The following MYO7A variants were observed in gnomAD, a reference collection of about 807,000 sequenced individuals.
The protein encoded by MYO7A is myosin VIIA, also known as unconventional myosin-VIIa.
A neutral mutation model predicts 263.8 loss-of-function variants in MYO7A; 210 were observed. The observed-to-expected ratio is 0.80, with a 90% CI of 0.71 to 0.89. The LOEUF (loss-of-function observed/expected upper bound fraction) is 0.89. Ranked by LOEUF, MYO7A falls within the 40% of genes least tolerant of loss-of-function variation. The pLI, the probability that MYO7A is intolerant of heterozygous loss-of-function variation, is 0.00. For missense variants in MYO7A, 2,820 were observed against 2,968.3 expected, an observed-to-expected ratio of 0.95 and a Z score of 1.16; for synonymous variants, 1,239 against 1,197.3, an observed-to-expected ratio of 1.03 and a Z score of -0.72.
intron 4 of MYO7A, among the ~76,000 whole-genome samples, chr11:77,153,491 A>AG (rs1179680267): frequency 6.6e-6 from 1 of 152,062 alleles, no homozygotes; most frequent in East Asian, 1.9e-4. Context: ...CATGGGTGGG[A>AG]GAAAGCCTGG....
At chr11:77,174,958 C>A (rs782459204) in intron 17 of MYO7A, 44 bp downstream of exon 17, 13 of 1,593,772 alleles carry the variant, frequency 8.2e-6, no homozygotes, top group Non-Finnish European at 1.1e-5. Context: ...AGGGTCCCAG[C>A]TTTGGCTGGG....
chr11:77,213,816 C>A (rs1565495022), intron 47 of MYO7A, 44 bp from the exon 48 acceptor site: 1 of 1,613,500 alleles, frequency 6.2e-7, no homozygotes. Flanking sequence ...AGTGAGGCCA[C>A]AGGGCCCAGG....
At chr11:77,187,060 G>A (rs1955699801) in intron 27 of MYO7A, among the ~76,000 whole-genome samples, 1 of 152,174 alleles carries the variant, frequency 6.6e-6, no homozygotes, top group South Asian at 2.1e-4. Context: ...CTGGTTGGTA[G>A]AGCAGTCAGA....
At chr11:77,154,939 A>G (rs1228374825) in intron 4 of MYO7A, among the ~76,000 whole-genome samples, 4 of 152,094 alleles carry the variant, frequency 2.6e-5, no homozygotes, top group Non-Finnish European at 4.4e-5. Context: ...GCTGGGGCAT[A>G]GCTGCGGCTC....
At chr11:77,154,020 C>A (rs1417537301) in intron 4 of MYO7A, among the ~76,000 whole-genome samples, 4 of 152,154 alleles carry the variant, frequency 2.6e-5, no homozygotes, top group African/African-American at 9.7e-5. Flanking sequence ...GACGTGGAGG[C>A]AGGAGAATCT....
chr11:77,170,022 G>A (rs960661134), intron 15 of MYO7A, among the ~76,000 whole-genome samples: 4 of 152,218 alleles, frequency 2.6e-5, no homozygotes, highest in Admixed American at 2.6e-4. Flanking sequence ...AATGAGCCAA[G>A]ATCGTACCAC....
chr11:77,138,581 C>T lies in MYO7A; in HGVS notation c.19-4128C>T, dbSNP rs986160066. Among the ~76,000 whole-genome samples, 4 of 152,192 alleles carry T rather than the reference C, an allele frequency of 2.6e-5. No individual in the cohort carries two copies. Among genetic ancestry groups the T allele is most frequent in the African/African-American group, 9.7e-5 (4 of 41,448 alleles). ...ATGCCACCTGCGGTCTCTGACCTCCCCCAGTGTGAACTTGGCCGCGGCTGC... is the reference window on the plus strand; with the variant it reads ...ATGCCACCTGCGGTCTCTGACCTCCTCCAGTGTGAACTTGGCCGCGGCTGC... On this transcript the variant is annotated intron_variant, in intron 2 of 48. Transcript: ENST00000409709. This position sits in a 1 kb window ranked among gnomAD's most constrained non-coding sequence, Gnocchi z 4.9.
chr11:77,205,451 T>G lies in MYO7A; in HGVS notation c.5481-11T>G, dbSNP rs1957382876. 3 of 1,557,260 alleles carry G rather than the reference T, an allele frequency of 1.9e-6. No individual in the cohort carries two copies. Among genetic ancestry groups the G allele is most frequent in the Non-Finnish European group, 8.7e-7 (1 of 1,150,552 alleles). On this transcript the variant is annotated splice_polypyrimidine_tract_variant and intron_variant, in intron 39 of 48. Coordinates refer to ENST00000409709, the MANE Select transcript of MYO7A (RefSeq NM_000260.4). ...AGCTGCCCCTGCTGGAGCCCACGCC[T>G]CCTCCTGCAGGTACAGCGAGGAGCG...
chr11:77,182,248 G>A (rs1955294828), intron 24 of MYO7A, 94 bp downstream of exon 24: 2 of 1,519,000 alleles, frequency 1.3e-6, no homozygotes, highest in African/African-American at 1.4e-5. Flanking sequence ...GATGAGGGTG[G>A]TGGGTCCCTG....
At chr11:77,167,771 C>T (rs1953689877) in intron 15 of MYO7A, among the ~76,000 whole-genome samples, 1 of 152,166 alleles carries the variant, frequency 6.6e-6, no homozygotes, top group African/African-American at 2.4e-5. Context: ...AAACAATCCA[C>T]ACACCCCCAG....
intron 25 of MYO7A, 23 bp from the exon 26 acceptor site, chr11:77,183,045 C>T (rs1555085934): frequency 1.9e-6 from 3 of 1,548,268 alleles, no homozygotes; most frequent in Non-Finnish European, 1.7e-6. Flanking sequence ...GCCACTTGAC[C>T]CTGATCCCTG....
rs782650544 is a variant in MYO7A, at chr11:77,179,794, G to C, written c.2427G>C (p.Gln809His). The C allele has an allele frequency of 9.7e-6, 15 of 1,549,958 alleles. No homozygotes were observed. Among genetic ancestry groups the C allele is most frequent in the Non-Finnish European group, 1.3e-5 (15 of 1,149,530 alleles). The change falls in exon 21 of 49, where the codon CAG becomes CAC. Residue 809 changes from glutamine (Q) to histidine (H), a missense_variant. Coordinates refer to ENST00000409709, the MANE Select transcript of MYO7A (RefSeq NM_000260.4). The stretch of plus-strand genomic sequence containing the variant: ...ACCGCTCCCGGAAGCTGCACCAGCA[G>C]TACCGCCTGGCCCGCCAGCGCATCA... ...ALHRSRKLHQ[Q>H]YRLARQRIIQ...
intron 2 of MYO7A, among the ~76,000 whole-genome samples, chr11:77,132,907 T>A (rs1170310277): frequency 2.6e-5 from 4 of 152,242 alleles, no homozygotes; most frequent in Non-Finnish European, 4.4e-5. Flanking sequence ...GGGCCCGGCC[T>A]GTGGAACTGC....
intron 37 of MYO7A, among the ~76,000 whole-genome samples, chr11:77,202,669 G>GT (rs1260208831): frequency 6.6e-6 from 1 of 152,030 alleles, no homozygotes; most frequent in African/African-American, 2.4e-5. Flanking sequence ...CTGAGTCCTG[G>GT]TGGGGATGCG....
At chr11:77,202,155 A>T in intron 36 of MYO7A, 145 bp from the exon 37 acceptor site, 1 of 1,049,774 alleles carries the variant, frequency 9.5e-7, no homozygotes, top group Non-Finnish European at 1.3e-6. Flanking sequence ...CCAAGGAGGA[A>T]CGGGGCTCCC....
At chr11:77,179,674 C>T (rs994962314) in intron 20 of MYO7A, 61 bp from the exon 21 acceptor site, 161 of 1,431,586 alleles carry the variant, frequency 1.1e-4, no homozygotes, top group Non-Finnish European at 1.4e-4. Flanking sequence ...GAAGCTCCTG[C>T]AGGCAGGGTC....
At chr11:77,211,992 C>G (rs771858856) in intron 46 of MYO7A, 55 bp downstream of exon 46, 21 of 1,381,430 alleles carry the variant, frequency 1.5e-5, no homozygotes, top group Non-Finnish European at 2.1e-5. Context: ...ATTGATAAAG[C>G]ACAGAGACTC....
rs541137293 is a variant in MYO7A at position 77,215,025 on chromosome 11, C to T, written c.*329C>T. Reference sequence around the variant, plus strand: ...CCACCATGCAACTTCCTTTGACTTTCTGTGTACCACTGGGATAGAGGAATC... The same window carrying T: ...CCACCATGCAACTTCCTTTGACTTTTTGTGTACCACTGGGATAGAGGAATC... On this transcript the variant is annotated 3_prime_UTR_variant, in exon 49 of 49. Coordinates refer to ENST00000409709, the MANE Select transcript of MYO7A (RefSeq NM_000260.4). The T allele has an allele frequency of 3.2e-6, 1 of 311,510 alleles. No homozygotes were observed. The highest frequency in any genetic ancestry group is 2.1e-5 in the African/African-American group (1 of 47,388). The allele number at this position is 311,510 out of a possible 1,614,324, so 19.3% of individuals were successfully genotyped here. A position where few individuals can be genotyped will look rare whatever the true frequency, so the allele number is the denominator to read the frequency against.
At chr11:77,200,084 C>T (rs1956958778) in intron 35 of MYO7A, among the ~76,000 whole-genome samples, 1 of 152,030 alleles carries the variant, frequency 6.6e-6, no homozygotes, top group Admixed American at 6.5e-5. Flanking sequence ...GCCTGGGCAA[C>T]ATAGTGAGAC....
Sources: allele counts gnomAD v4.1 joint callset (sites outside exome capture counted in the v4.1 genomes callset), GRCh38; gene constraint gnomAD v4.1.1; non-coding constraint Gnocchi (gnomAD v3.1); transcripts MANE v1.5; gene names NCBI Gene and HGNC (gene_info 2026-07-23, HGNC 2026-07-21).